Variants in AKAP9 observed in about 807,000 individuals in gnomAD.
AKAP9 encodes the protein A-kinase anchoring protein 9, also known as A-kinase anchor protein 9.
In AKAP9, 311 loss-of-function variants were observed where a neutral mutation model predicts 488.5. That is an observed-to-expected ratio of 0.64 (90% CI 0.58 to 0.70). The LOEUF (loss-of-function observed/expected upper bound fraction) is 0.70. Among genes scored for constraint, AKAP9 ranks in the 30% least tolerant of loss-of-function variants. The pLI is 0.00. For missense variants in AKAP9, 4,215 were observed against 4,374.5 expected, an observed-to-expected ratio of 0.96 and a Z score of 1.03; for synonymous variants, 1,462 against 1,483.5, an observed-to-expected ratio of 0.99 and a Z score of 0.33.
At chr7:91,953,997 A>G (rs1480618962) in intron 1 of AKAP9, among the ~76,000 whole-genome samples, 1 of 152,180 alleles carries the variant, frequency 6.6e-6, no homozygotes, top group Non-Finnish European at 1.5e-5. Context: ...CTTTTGTTCC[A>G]AAACAAAACA....
chr7:92,007,400 C>T (rs1800055875), intron 8 of AKAP9, among the ~76,000 whole-genome samples: 1 of 149,478 alleles, frequency 6.7e-6, no homozygotes, highest in South Asian at 2.1e-4. Context: ...TACAGGTGGC[C>T]TCCGCCATGC....
At chr7:91,976,319 T>C (rs1390500162) in intron 2 of AKAP9, among the ~76,000 whole-genome samples, 1 of 152,250 alleles carries the variant, frequency 6.6e-6, no homozygotes, top group East Asian at 1.9e-4. Context: ...CCTCCCAGAC[T>C]TCAGTGATCC....
intron 39 of AKAP9, 91 bp from the exon 40 acceptor site, chr7:92,094,932 C>T (rs1347040057): frequency 9.4e-6 from 11 of 1,164,466 alleles, no homozygotes; most frequent in African/African-American, 6.0e-5. Context: ...TATTATATGC[C>T]TCAACTTATC....
chr7:92,023,852 C>T (rs1237007752), intron 14 of AKAP9, among the ~76,000 whole-genome samples: 1 of 152,040 alleles, frequency 6.6e-6, no homozygotes, highest in Non-Finnish European at 1.5e-5. Flanking sequence ...TATCAGTATG[C>T]TTCTGCTTTA....
chr7:92,044,248 A>G (rs1297284572), intron 20 of AKAP9, among the ~76,000 whole-genome samples: 1 of 152,162 alleles, frequency 6.6e-6, no homozygotes, highest in African/African-American at 2.4e-5. Context: ...TAAAATAAGG[A>G]TTACTTTTTA....
chr7:92,073,340 C>CAAA (rs397713211), intron 28 of AKAP9, among the ~76,000 whole-genome samples: 11 of 127,090 alleles, frequency 8.7e-5, no homozygotes, highest in Admixed American at 3.2e-4. Context: ...ACTAAAAATA[C>CAAA]AAAAAAAAAA....
chr7:92,029,650 C>G (rs1803899448), intron 14 of AKAP9, among the ~76,000 whole-genome samples: 3 of 152,176 alleles, frequency 2.0e-5, no homozygotes, highest in Admixed American at 6.5e-5. Flanking sequence ...GGTTCCATAT[C>G]ATACATTTGT....
chr7:91,988,393 C>A (rs1797362374), intron 3 of AKAP9, among the ~76,000 whole-genome samples: 1 of 151,120 alleles, frequency 6.6e-6, no homozygotes, highest in Non-Finnish European at 1.5e-5. Flanking sequence ...TCCCATGCAC[C>A]CAGGAGTTTG....
In AKAP9 at chr7:92,060,477, G is replaced by A. The variant is rs182054539; in HGVS notation, c.5602-783G>A. 1.6e-3 allele frequency among the ~76,000 whole-genome samples: 251 copies of A among 152,226 alleles called. 1 individual carries two copies. The highest frequency in any genetic ancestry group is 3.5e-3 in the Admixed American group (53 of 15,280). ...ATAGTCAAAAGCTCAGAAAACTAAG[G>A]CAGAGACAGTACTTTTCTGCAATTT... On this transcript the variant is annotated intron_variant, in intron 22 of 49. Transcript: ENST00000356239.
At position 91,940,883 on chromosome 7, in the gene AKAP9, T is replaced by TGGCGGCGGC. The variant is rs371245265; in HGVS notation, c.-208_-200dup. On this transcript the variant is annotated 5_prime_UTR_variant, in exon 1 of 50. Transcript: ENST00000356239. ...CCGTGTGTTTACGTGGAGACGAAGA[T>TGGCGGCGGC]GGCGGCGGCGGCGGCGGTGACGGCG... 677 of 601,826 alleles carry TGGCGGCGGC rather than the reference T, an allele frequency of 1.1e-3. 3 individuals carry two copies. The highest frequency in any genetic ancestry group is 1.7e-3 in the Non-Finnish European group (554 of 334,948). The allele number at this position is 601,826 out of a possible 1,614,324, so 37.3% of individuals were successfully genotyped here. A position where few individuals can be genotyped will look rare whatever the true frequency, so the allele number is the denominator to read the frequency against.
At chr7:92,085,074 C>G in intron 35 of AKAP9, 134 bp downstream of exon 35, 1 of 975,776 alleles carries the variant, frequency 1.0e-6, no homozygotes, top group Non-Finnish European at 1.6e-6. Context: ...TCTGAGAGAT[C>G]TATTTTATTT....
chr7:92,058,895 T>C (rs527701533), intron 22 of AKAP9, among the ~76,000 whole-genome samples: 92 of 152,128 alleles, frequency 6.0e-4, no homozygotes, highest in African/African-American at 2.1e-3. Context: ...TACTTTTTGT[T>C]TTTAATATGC....
chr7:91,994,570 A>G, intron 5 of AKAP9, 51 bp from the exon 6 acceptor site: 1 of 1,463,366 alleles, frequency 6.8e-7, no homozygotes, highest in Non-Finnish European at 9.3e-7. Context: ...AGTTACCTGT[A>G]ATAATAGTCA....
rs368409497 is a variant in AKAP9 at position 92,066,320 on chromosome 7, C to T, written c.6211-107C>T. The T allele has an allele frequency of 1.1e-4, 153 of 1,398,584 alleles. 1 individual carries two copies. The East Asian group carries it at 1.4e-3, about 13-fold the overall frequency. 86.6% of individuals were successfully genotyped at this position (1,398,584 alleles called of 1,614,324 possible). On this transcript the variant is annotated intron_variant, in intron 25 of 49. Coordinates refer to ENST00000356239, the MANE Select transcript of AKAP9 (RefSeq NM_005751.5). ...TTGGGATGTTCCATGATCATCAGTC[C>T]TTTGTCTTCAAACAAAACTAACATA...
At chr7:92,093,399 G>A (rs1815977920) in intron 39 of AKAP9, 83 bp downstream of exon 39, 1 of 1,178,204 alleles carries the variant, frequency 8.5e-7, no homozygotes, top group Non-Finnish European at 1.2e-6. Context: ...ATAGAGAAAT[G>A]TAACATGCAT....
Position 92,031,611 on chromosome 7 carries a change from T to G in AKAP9, c.4338+7T>G, listed in dbSNP as rs1804249360. On this transcript the variant is annotated splice_region_variant and intron_variant, in intron 16 of 49. Coordinates refer to ENST00000356239, the MANE Select transcript of AKAP9 (RefSeq NM_005751.5). ...AGAAGAAGAAGTAGCTAAGGTAGGC[T>G]TATAGCTTATCTGGAAGATTATCTT... The G allele has an allele frequency of 6.3e-7, 1 of 1,576,454 alleles. No homozygotes were observed. Among genetic ancestry groups the G allele is most frequent in the African/African-American group, 1.4e-5 (1 of 74,066 alleles).
In AKAP9 at chr7:92,096,987, A is replaced by T; in HGVS notation, c.10028A>T (p.Asp3343Val). 6.2e-7 allele frequency: 1 copy of T among 1,614,190 alleles called. No individual in the cohort carries two copies. The highest frequency in any genetic ancestry group is 1.3e-5 in the African/African-American group (1 of 75,054). ...GQSRPPLPSE[D>V]LLKELQKQLE... ...TCTCGGCCACCCTTGCCCTCAGAGGACCTACTGAAAGAGCTGCAGAAACAG... is the reference window on the plus strand; with the variant it reads ...TCTCGGCCACCCTTGCCCTCAGAGGTCCTACTGAAAGAGCTGCAGAAACAG... Residue 3343 changes from aspartate (D) to valine (V), a missense_variant, in exon 41 of 50, where the codon GAC becomes GTC. Transcript: ENST00000356239.
intron 8 of AKAP9, among the ~76,000 whole-genome samples, chr7:92,008,870 C>T (rs2130691381): frequency 6.7e-6 from 1 of 150,064 alleles, no homozygotes; most frequent in East Asian, 2.0e-4. Context: ...CCTGTAGTCT[C>T]AGCTACTCTG....
rs368210603 is a variant in AKAP9 at position 92,105,631 on chromosome 7, A to G, written c.11331-47A>G. ...TGTGATTTTTGTAGGAAATGTATATACTGTTTATAGATGGGCTGTGAAATT... is the reference window on the plus strand; with the variant it reads ...TGTGATTTTTGTAGGAAATGTATATGCTGTTTATAGATGGGCTGTGAAATT... On this transcript the variant is annotated intron_variant, in intron 46 of 49. Transcript: ENST00000356239. 57 of 1,317,770 alleles carry G rather than the reference A, an allele frequency of 4.3e-5. No individual in the cohort carries two copies. The African/African-American group carries it at 6.8e-4, about 16-fold the overall frequency. 81.6% of individuals were successfully genotyped at this position (1,317,770 alleles called of 1,614,324 possible).
Sources: allele counts gnomAD v4.1 joint callset (sites outside exome capture counted in the v4.1 genomes callset), GRCh38; gene constraint gnomAD v4.1.1; transcripts MANE v1.5; gene names NCBI Gene and HGNC (gene_info 2026-07-23, HGNC 2026-07-21).